The following PARP8 variants were observed in gnomAD, a reference collection of about 807,000 sequenced individuals.
PARP8 encodes the protein poly(ADP-ribose) polymerase family member 8, also known as protein mono-ADP-ribosyltransferase PARP8.
In PARP8, 51 loss-of-function variants were observed where a neutral mutation model predicts 124.1. The observed-to-expected ratio is 0.41, with a 90% CI of 0.33 to 0.52. The LOEUF (loss-of-function observed/expected upper bound fraction) is 0.52. Ranked by LOEUF, PARP8 falls within the 20% of genes least tolerant of loss-of-function variation. The probability of loss-of-function intolerance (pLI) is 0.21; values close to 1 mark genes in which losing one functional copy is unlikely to be tolerated. For missense variants in PARP8, 860 were observed against 1,018.9 expected, an observed-to-expected ratio of 0.84 and a Z score of 2.12; for synonymous variants, 391 against 361.5, an observed-to-expected ratio of 1.08 and a Z score of -0.93.
At chr5:50,773,688 A>G (rs941934632) in intron 7 of PARP8, among the ~76,000 whole-genome samples, 2 of 152,156 alleles carry the variant, frequency 1.3e-5, no homozygotes, top group Admixed American at 1.3e-4. Context: ...ATTCCTGTAA[A>G]GGATGTCATT....
chr5:50,760,607 C>T (rs1760450111), intron 5 of PARP8, among the ~76,000 whole-genome samples: 1 of 151,966 alleles, frequency 6.6e-6, no homozygotes, highest in African/African-American at 2.4e-5. Flanking sequence ...GTATATAAAG[C>T]TTAATTTATT....
intron 2 of PARP8, among the ~76,000 whole-genome samples, chr5:50,693,185 C>T (rs1182135351): frequency 1.3e-5 from 2 of 152,104 alleles, no homozygotes; most frequent in Non-Finnish European, 2.9e-5. Context: ...GCCATAGATT[C>T]CCCTACCAAT....
chr5:50,837,965 A>G (rs1747769668), intron 25 of PARP8, among the ~76,000 whole-genome samples: 1 of 152,118 alleles, frequency 6.6e-6, no homozygotes. Context: ...GCTTGATTAC[A>G]TGACTAACCT....
chr5:50,716,118 C>T (rs78546345), intron 2 of PARP8, among the ~76,000 whole-genome samples: 2,496 of 152,172 alleles, frequency 0.016, 42 homozygotes, highest in Middle Eastern at 0.041. Flanking sequence ...CATGTTTCCA[C>T]ATAGAGGCTG....
intron 9 of PARP8, among the ~76,000 whole-genome samples, chr5:50,782,774 A>G (rs1205486397): frequency 7.2e-5 from 11 of 152,174 alleles, no homozygotes; most frequent in African/African-American, 2.4e-4. Flanking sequence ...TTAGAATCCA[A>G]TCAGAAAACA....
At chr5:50,685,215 T>A (rs1446088200) in intron 2 of PARP8, among the ~76,000 whole-genome samples, 1 of 152,174 alleles carries the variant, frequency 6.6e-6, no homozygotes, top group African/African-American at 2.4e-5. Context: ...ATGCCTTCAT[T>A]TGCTAATGAC....
rs1197755275 is a variant in PARP8 at position 50,845,858 on chromosome 5, A to G, written c.*3790A>G. 6.6e-6 allele frequency: 1 copy of G among 151,816 alleles called. No homozygotes were observed. Among genetic ancestry groups the G allele is most frequent in the African/African-American group, 2.4e-5 (1 of 41,414 alleles). 9.4% of individuals were successfully genotyped at this position (151,816 alleles called of 1,614,324 possible). A position where few individuals can be genotyped will look rare whatever the true frequency, so the allele number is the denominator to read the frequency against. ...GGAATGGCAGACTGGATATTCAAGC[A>G]TTTTGGCATTTAATGCCTGCTAAAT... On this transcript the variant is annotated 3_prime_UTR_variant, in exon 26 of 26. Coordinates refer to ENST00000281631, the MANE Select transcript of PARP8 (RefSeq NM_024615.4).
intron 25 of PARP8, among the ~76,000 whole-genome samples, chr5:50,835,469 G>T (rs1054566955): frequency 2.6e-5 from 4 of 152,168 alleles, no homozygotes; most frequent in Admixed American, 2.6e-4. Flanking sequence ...GAACCCAAGA[G>T]GTGGAGGTTG....
At chr5:50,808,467 T>A (rs1744100645) in intron 14 of PARP8, among the ~76,000 whole-genome samples, 1 of 152,014 alleles carries the variant, frequency 6.6e-6, no homozygotes. Context: ...TAATTGACAT[T>A]GTCAGGATGA....
intron 2 of PARP8, among the ~76,000 whole-genome samples, chr5:50,719,705 GTA>G (rs1278655328): frequency 6.6e-6 from 1 of 151,898 alleles, no homozygotes; most frequent in Non-Finnish European, 1.5e-5. Flanking sequence ...CTCCTGTGTT[GTA>G]GATTTTAAGA....
chr5:50,785,987 C>T (rs866969983), intron 9 of PARP8, among the ~76,000 whole-genome samples: 2 of 152,200 alleles, frequency 1.3e-5, no homozygotes, highest in South Asian at 4.2e-4. Context: ...TCCTCCTCCT[C>T]CTTCTTGTAC....
intron 2 of PARP8, among the ~76,000 whole-genome samples, chr5:50,686,523 C>T (rs1473573877): frequency 6.6e-6 from 1 of 152,216 alleles, no homozygotes; most frequent in Admixed American, 6.5e-5. Flanking sequence ...CCACTTCTCA[C>T]AACTCCACTA....
chr5:50,796,014 A>G (rs1279380659), intron 12 of PARP8, among the ~76,000 whole-genome samples: 1 of 152,196 alleles, frequency 6.6e-6, no homozygotes, highest in East Asian at 1.9e-4. Flanking sequence ...GACTTCAATA[A>G]TTTAAGTCCT....
In PARP8 at chr5:50,795,282, G is replaced by A; in HGVS notation, c.1293G>A (p.Lys431=). The part of the protein sequence containing the change: ...YGLKNHKLLS[K]SYSSAPKSSK... ...TGAAAAATCACAAATTGCTCAGCAAGTCCTACTCCAGTGCCCCCAAGTCAT... is the reference window on the plus strand; with the variant it reads ...TGAAAAATCACAAATTGCTCAGCAAATCCTACTCCAGTGCCCCCAAGTCAT... Residue 431 remains lysine, a synonymous_variant, in exon 12 of 26, where the codon AAG becomes AAA. Transcript: ENST00000281631. 1 of 1,614,136 alleles carries A rather than the reference G, an allele frequency of 6.2e-7. No individual in the cohort carries two copies. The highest frequency in any genetic ancestry group is 8.5e-7 in the Non-Finnish European group (1 of 1,180,022).
At chr5:50,797,355 A>G (rs1363062142) in intron 14 of PARP8, 122 bp downstream of exon 14, 36 of 661,300 alleles carry the variant, frequency 5.4e-5, no homozygotes, top group Non-Finnish European at 8.0e-5. Context: ...TGAGCAAATT[A>G]TTTACATATA....
At chr5:50,738,935 C>G in intron 2 of PARP8, 1 of 701,284 alleles carries the variant, frequency 1.4e-6, no homozygotes, top group Non-Finnish European at 2.6e-6. Flanking sequence ...AGGGCTCTGC[C>G]TCTGTCTCTG....
In PARP8 at chr5:50,826,718, G is replaced by A. The variant is rs376637367; in HGVS notation, c.1929-37G>A. 1.9e-6 allele frequency: 3 copies of A among 1,550,868 alleles called. No individual in the cohort carries two copies. In the South Asian group the frequency reaches 3.8e-5, roughly 19 times the overall value. ...AGAAAAAGAACTTTAAATATATTTGGCATGTATTTGTGACTAATGGATCAT... is the reference window on the plus strand; with the variant it reads ...AGAAAAAGAACTTTAAATATATTTGACATGTATTTGTGACTAATGGATCAT... On this transcript the variant is annotated intron_variant, in intron 18 of 25. Transcript: ENST00000281631.
At chr5:50,775,610 C>G (rs1739917938) in intron 7 of PARP8, among the ~76,000 whole-genome samples, 1 of 152,154 alleles carries the variant, frequency 6.6e-6, no homozygotes, top group Non-Finnish European at 1.5e-5. Context: ...AGAAATCTTT[C>G]ACCTCCTTGG....
chr5:50,759,700 C>T lies in PARP8; in HGVS notation c.242C>T (p.Pro81Leu). 1 of 1,581,000 alleles carries T rather than the reference C, an allele frequency of 6.3e-7. No homozygotes were observed. Among genetic ancestry groups the T allele is most frequent in the Admixed American group, 1.9e-5 (1 of 53,772 alleles). The stretch of plus-strand genomic sequence containing the variant: ...GAAGATGTGCTAGTTACTACAGAGC[C>T]AATACCAGTAATTTTTCATAGAATA... ...NDEDVLVTTE[P>L]IPVIFHRIAT... Residue 81 changes from proline to leucine, a missense_variant, in exon 4 of 26, where the codon CCA becomes CTA. Pro to Leu is a moderately conservative substitution (Grantham distance 98). This residue lies in a region of PARP8 where 517 missense variants were observed against 544.2 expected (regional missense o/e 0.95). Coordinates refer to ENST00000281631, the MANE Select transcript of PARP8 (RefSeq NM_024615.4).
Sources: allele counts gnomAD v4.1 joint callset (sites outside exome capture counted in the v4.1 genomes callset), GRCh38; gene constraint gnomAD v4.1.1; regional missense constraint gnomAD v4.1.1; transcripts MANE v1.5; gene names NCBI Gene and HGNC (gene_info 2026-07-23, HGNC 2026-07-21).